Variants in RAD52 observed in about 807,000 individuals in gnomAD.
RAD52 encodes the protein RAD52 DNA repair protein.
Under a neutral mutation model 55.5 loss-of-function variants are expected in RAD52, and 47 were observed. The ratio of observed to expected loss-of-function variants is 0.85; its 90% confidence interval spans 0.67 to 1.08. RAD52 has a LOEUF of 1.08. Among genes scored for constraint, RAD52 ranks in the 50% least tolerant of loss-of-function variants. RAD52 has a pLI of 0.00. For synonymous variants in RAD52, 184 were observed against 198.9 expected (o/e 0.92, Z 0.63); for missense variants, 468 against 522.8 (o/e 0.90, Z 1.02).
At chr12:953,155 A>T (rs1364410064), upstream of RAD52, among the ~76,000 whole-genome samples, 1 of 150,706 alleles carries the variant, frequency 6.6e-6, no homozygotes, top group Admixed American at 6.6e-5. Context: ...AAATACAAAC[A>T]TTAGCTGGGG....
At chr12:927,436 C>G (rs1957099720) in intron 5 of RAD52, among the ~76,000 whole-genome samples, 173 bp from the exon 6 acceptor site, 1 of 152,136 alleles carries the variant, frequency 6.6e-6, no homozygotes, top group South Asian at 2.1e-4. Context: ...CTTCCTAGAC[C>G]TGGGCTGCCT....
rs1439873697 is a variant in RAD52 at position 912,869 on chromosome 12, T to C, written c.*522A>G. ...ATAAATTATTTATATTAAATGAAGA[T>C]TGTAGCCTGGATTGATACAAAGTAG... On this transcript the variant is annotated 3_prime_UTR_variant, in exon 12 of 12. Coordinates refer to ENST00000358495, the MANE Select transcript of RAD52 (RefSeq NM_134424.4). 4 of 197,386 alleles carry C rather than the reference T, an allele frequency of 2.0e-5. No individual in the cohort carries two copies. Among genetic ancestry groups the C allele is most frequent in the East Asian group, 8.0e-5 (1 of 12,516 alleles). The allele number at this position is 197,386 out of a possible 1,614,324, so 12.2% of individuals were successfully genotyped here.
At chr12:961,040 G>A (rs1006679823) in intron 1 of RAD52, among the ~76,000 whole-genome samples, 13 of 151,890 alleles carry the variant, frequency 8.6e-5, no homozygotes, top group Admixed American at 3.9e-4. Context: ...AAGAGGGGCC[G>A]GGTGCAGTGG....
intron 1 of RAD52, among the ~76,000 whole-genome samples, chr12:973,754 C>T (rs1022880528): frequency 6.8e-6 from 1 of 147,396 alleles, no homozygotes; most frequent in African/African-American, 2.5e-5. Context: ...GTTCGGATTA[C>T]AGGCATGAGC....
At chr12:937,427 CTTT>C (rs1020961496) in intron 1 of RAD52, among the ~76,000 whole-genome samples, 1 of 147,420 alleles carries the variant, frequency 6.8e-6, no homozygotes, top group Admixed American at 6.8e-5. Context: ...ATCCCTTCAG[CTTT>C]TTTTTTTTTC....
chr12:948,479 C>T (rs1003242953), intron 1 of RAD52, among the ~76,000 whole-genome samples: 4 of 152,038 alleles, frequency 2.6e-5, no homozygotes, highest in African/African-American at 9.7e-5. Context: ...GAGTTCGAGA[C>T]CAGCCTAACC....
chr12:912,282 C>A lies in RAD52; in HGVS notation c.*1109G>T, dbSNP rs930369445. 1 of 197,626 alleles carries A rather than the reference C, an allele frequency of 5.1e-6. No homozygotes were observed. Among genetic ancestry groups the A allele is most frequent in the South Asian group, 1.9e-4 (1 of 5,216 alleles). 12.2% of individuals were successfully genotyped at this position (197,626 alleles called of 1,614,324 possible). On this transcript the variant is annotated 3_prime_UTR_variant, in exon 12 of 12. Transcript: ENST00000358495. ...GACAAGTCGCAAAGCACCAGGCATACAACAGTTTATGCAGCGACCCTAAGA... is the reference window on the plus strand; with the variant it reads ...GACAAGTCGCAAAGCACCAGGCATAAAACAGTTTATGCAGCGACCCTAAGA...
At chr12:939,087 G>T (rs867135892) in intron 1 of RAD52, among the ~76,000 whole-genome samples, 1 of 61,824 alleles carries the variant, frequency 1.6e-5, no homozygotes, top group South Asian at 5.3e-4. Flanking sequence ...TGTGTGTGTA[G>T]AGAGAGAGAA....
rs558307990 is a variant in RAD52, at chr12:918,471, A to T, written c.544-1651T>A. Reference sequence around the variant, plus strand: ...GAGTGCAGTGGCGTAATCACAGCTCACTGCAGCCTGGGCCTCCTAGGCTCA... The same window carrying T: ...GAGTGCAGTGGCGTAATCACAGCTCTCTGCAGCCTGGGCCTCCTAGGCTCA... On this transcript the variant is annotated intron_variant, in intron 7 of 11. Transcript: ENST00000358495. Among the ~76,000 whole-genome samples, 47 of 152,230 alleles carry T rather than the reference A, an allele frequency of 3.1e-4. 1 individual carries two copies. The highest frequency in any genetic ancestry group is 1.1e-3 in the African/African-American group (44 of 41,552).
chr12:990,772 G>C (rs889723908), upstream of RAD52: 2 of 152,124 alleles, frequency 1.3e-5, no homozygotes, highest in Non-Finnish European at 1.5e-5. Flanking sequence ...GGGCGTAACG[G>C]GCCACGAGAA....
At chr12:923,382 T>C (rs974784565) in intron 7 of RAD52, among the ~76,000 whole-genome samples, 2 of 151,628 alleles carry the variant, frequency 1.3e-5, no homozygotes, top group Non-Finnish European at 2.9e-5. Flanking sequence ...AAAATAGTAA[T>C]AATTGTTTAA....
At chr12:971,095 A>C (rs1200356667) in intron 1 of RAD52, among the ~76,000 whole-genome samples, 4 of 152,326 alleles carry the variant, frequency 2.6e-5, no homozygotes, top group Admixed American at 2.6e-4. Context: ...TGCAAAATAT[A>C]GATTTTGAAC....
chr12:971,969 C>T (rs900910202), intron 1 of RAD52, among the ~76,000 whole-genome samples: 24 of 152,074 alleles, frequency 1.6e-4, no homozygotes, highest in Admixed American at 7.2e-4. Flanking sequence ...AGGATGGTCT[C>T]GATCTCCTGA....
Position 927,199 on chromosome 12 carries a change from G to GA in RAD52, c.412dup (p.Ser138PhefsTer40). On this transcript the variant is annotated frameshift_variant, in exon 6 of 12. Coordinates refer to ENST00000358495, the MANE Select transcript of RAD52 (RefSeq NM_134424.4). LOFTEE classifies it high-confidence loss of function. ...CGCCTCCTTCCTTGCCTTCTCCAAA[G>GA]ATAAAGCCTTGGACTTGAGGCCCTC... The GA allele has an allele frequency of 3.1e-6, 5 of 1,614,176 alleles. No homozygotes were observed. The highest frequency in any genetic ancestry group is 4.2e-6 in the Non-Finnish European group (5 of 1,180,020).
chr12:925,959 C>T (rs1027611691), intron 6 of RAD52, among the ~76,000 whole-genome samples: 2 of 152,110 alleles, frequency 1.3e-5, no homozygotes, highest in East Asian at 1.9e-4. Flanking sequence ...TTGGGATCTA[C>T]GGACTCCCCC....
chr12:925,403 A>T lies in RAD52; in HGVS notation c.543+47T>A, dbSNP rs375873399. 460 of 1,495,164 alleles carry T rather than the reference A, an allele frequency of 3.1e-4. 3 individuals are homozygous for T. The highest frequency in any genetic ancestry group is 8.6e-4 in the Middle Eastern group (5 of 5,844). 92.6% of individuals were successfully genotyped at this position (1,495,164 alleles called of 1,614,324 possible). A position where few individuals can be genotyped will look rare whatever the true frequency, so the allele number is the denominator to read the frequency against. On this transcript the variant is annotated intron_variant, in intron 7 of 11. Coordinates refer to ENST00000358495, the MANE Select transcript of RAD52 (RefSeq NM_134424.4). ...CCAAATACTCAACCCATGACACACA[A>T]GAGTTTGCCGCATTATCTTCACTCC...
intron 1 of RAD52, among the ~76,000 whole-genome samples, chr12:938,612 G>T (rs565235405): frequency 6.6e-6 from 1 of 152,218 alleles, no homozygotes; most frequent in East Asian, 1.9e-4. Context: ...TGAACCCAGC[G>T]GGTGGAGGTT....
upstream of RAD52, among the ~76,000 whole-genome samples, chr12:952,737 C>CA (rs1343784201): frequency 6.7e-6 from 1 of 149,694 alleles, no homozygotes; most frequent in Non-Finnish European, 1.5e-5. Context: ...ACTAAAAATA[C>CA]AAAAATTAGC....
chr12:956,639 C>T (rs755306112), intron 1 of RAD52, among the ~76,000 whole-genome samples: 8 of 152,132 alleles, frequency 5.3e-5, no homozygotes, highest in Non-Finnish European at 1.0e-4. Context: ...CTCCGTCTCC[C>T]GGGCTCAAGC....
Sources: gnomAD v4.1 joint callset for allele counts (sites outside exome capture counted in the v4.1 genomes callset) on GRCh38, gnomAD v4.1.1 for gene constraint, MANE v1.5 for transcripts, NCBI Gene and HGNC (gene_info 2026-07-23, HGNC 2026-07-21) for gene names.